Variants in SUMF1 observed in about 807,000 individuals in gnomAD.
SUMF1 encodes the protein sulfatase modifying factor 1.
A neutral mutation model predicts 47.6 loss-of-function variants in SUMF1; 48 were observed. The observed-to-expected ratio is 1.01, with a 90% confidence interval of 0.80 to 1.28. The LOEUF is 1.28. SUMF1 is among the 50% of genes most tolerant of loss of function. The pLI, the probability that SUMF1 is intolerant of heterozygous loss-of-function variation, is 0.00. For missense variants in SUMF1, 571 were observed against 485.4 expected, an observed-to-expected ratio of 1.18 and a Z score of -1.66; for synonymous variants, 230 against 192.1, an observed-to-expected ratio of 1.20 and a Z score of -1.63.
chr3:4,249,134 T>C (rs1164239236), intron 8 of SUMF1, among the ~76,000 whole-genome samples: 1 of 152,186 alleles, frequency 6.6e-6, no homozygotes, highest in African/African-American at 2.4e-5. Context: ...TCAAAATCAG[T>C]AGAGAAAATA....
At chr3:4,436,875 AAAAAAC>A (rs1305949228) in intron 3 of SUMF1, among the ~76,000 whole-genome samples, 31 of 138,582 alleles carry the variant, frequency 2.2e-4, no homozygotes, top group Admixed American at 1.2e-3. Flanking sequence ...TACAAAAAAC[AAAAAAC>A]AAAAAAAACC....
At chr3:4,137,955 T>C (rs1693983646) in intron 8 of SUMF1, among the ~76,000 whole-genome samples, 1 of 151,646 alleles carries the variant, frequency 6.6e-6, no homozygotes, top group Non-Finnish European at 1.5e-5. Flanking sequence ...AATAAGTGAG[T>C]TCAGCAAGGT....
chr3:4,160,849 G>C (rs550950065), intron 8 of SUMF1, among the ~76,000 whole-genome samples: 1 of 152,006 alleles, frequency 6.6e-6, no homozygotes, highest in Non-Finnish European at 1.5e-5. Context: ...TGTTTGGTGA[G>C]GTCATGTTTT....
intron 8 of SUMF1, among the ~76,000 whole-genome samples, chr3:4,277,794 C>T (rs1373342): frequency 0.23 from 35,020 of 151,928 alleles, 5,015 homozygotes; most frequent in East Asian, 0.42. Context: ...AGGCCAATAA[C>T]GAGGTCACCA....
chr3:4,213,496 T>C (rs1015397100), intron 8 of SUMF1, among the ~76,000 whole-genome samples: 1 of 152,116 alleles, frequency 6.6e-6, no homozygotes, highest in Non-Finnish European at 1.5e-5. Flanking sequence ...ATGAAGAAAC[T>C]GCATCAACTA....
intron 8 of SUMF1, among the ~76,000 whole-genome samples, chr3:4,194,532 A>T (rs1559554421): frequency 6.6e-6 from 1 of 152,216 alleles, no homozygotes; most frequent in Non-Finnish European, 1.5e-5. Flanking sequence ...TAATATTTAC[A>T]GATATGGATA....
chr3:4,359,672 CT>C (rs1470035670), downstream of SUMF1, among the ~76,000 whole-genome samples: 1 of 152,112 alleles, frequency 6.6e-6, no homozygotes, highest in Non-Finnish European at 1.5e-5. Context: ...GGAAAAGCCC[CT>C]TGTAAAACCA....
At chr3:4,105,710 A>T (rs1329354466) in intron 8 of SUMF1, among the ~76,000 whole-genome samples, 1 of 152,096 alleles carries the variant, frequency 6.6e-6, no homozygotes, top group Non-Finnish European at 1.5e-5. Context: ...TGTTAAAAAG[A>T]AATAAGACAA....
At chr3:4,304,192 A>T (rs1217043767) in intron 8 of SUMF1, 1 of 155,792 alleles carries the variant, frequency 6.4e-6, no homozygotes, top group Non-Finnish European at 1.4e-5. Context: ...CCCAGGCTGG[A>T]GTGCACTGGC....
At chr3:4,283,401 A>T (rs978891624) in intron 8 of SUMF1, among the ~76,000 whole-genome samples, 1 of 152,220 alleles carries the variant, frequency 6.6e-6, no homozygotes, top group Non-Finnish European at 1.5e-5. Context: ...CCTGTCTCCA[A>T]ATATTAATAC....
At chr3:4,212,583 CT>C (rs1695823930) in intron 8 of SUMF1, among the ~76,000 whole-genome samples, 1 of 152,040 alleles carries the variant, frequency 6.6e-6, no homozygotes, top group Non-Finnish European at 1.5e-5. Context: ...CAGAAGTAAG[CT>C]TTAGAAGGTG....
At chr3:4,308,430 A>G (rs1698277120) in intron 8 of SUMF1, among the ~76,000 whole-genome samples, 1 of 152,250 alleles carries the variant, frequency 6.6e-6, no homozygotes, top group South Asian at 2.1e-4. Flanking sequence ...GTAATTTGCC[A>G]GAAACATATG....
chr3:4,297,290 C>T (rs192857433), intron 8 of SUMF1, among the ~76,000 whole-genome samples: 1 of 152,274 alleles, frequency 6.6e-6, no homozygotes, highest in African/African-American at 2.4e-5. Context: ...GACAGAAATC[C>T]CCAAAAGGAT....
chr3:4,156,048 A>G (rs1377703365), intron 8 of SUMF1, among the ~76,000 whole-genome samples: 4 of 151,546 alleles, frequency 2.6e-5, no homozygotes, highest in African/African-American at 9.8e-5. Context: ...CTTGCACACC[A>G]GAGTACAAAA....
intron 7 of SUMF1, among the ~76,000 whole-genome samples, chr3:4,377,032 C>T (rs999980415): frequency 2.0e-4 from 30 of 152,240 alleles, no homozygotes; most frequent in African/African-American, 7.0e-4. Flanking sequence ...AACTACTGAG[C>T]TCAAGTGACC....
chr3:4,253,293 A>C (rs536848753), intron 8 of SUMF1, among the ~76,000 whole-genome samples: 2 of 152,208 alleles, frequency 1.3e-5, no homozygotes, highest in Non-Finnish European at 2.9e-5. Flanking sequence ...TCCGGTCTAC[A>C]GCTCCCAGCG....
At chr3:4,145,085 G>C (rs1487056821) in intron 8 of SUMF1, among the ~76,000 whole-genome samples, 1 of 151,008 alleles carries the variant, frequency 6.6e-6, no homozygotes, top group East Asian at 2.0e-4. Flanking sequence ...TGTAGTCCCA[G>C]CTACTCAGGA....
intron 8 of SUMF1, among the ~76,000 whole-genome samples, chr3:4,290,325 G>A (rs1326859880): frequency 1.3e-5 from 2 of 149,494 alleles, no homozygotes; most frequent in African/African-American, 2.6e-5. Flanking sequence ...ACGTTTATCT[G>A]AATTTTCTCA....
intron 1 of SUMF1, among the ~76,000 whole-genome samples, chr3:4,455,763 A>G (rs1399595685): frequency 6.6e-6 from 1 of 152,116 alleles, no homozygotes; most frequent in Non-Finnish European, 1.5e-5. Flanking sequence ...AAAAGCCCAG[A>G]ACCAGATGGC....
Sources: allele counts gnomAD v4.1 joint callset (sites outside exome capture counted in the v4.1 genomes callset), GRCh38; gene constraint gnomAD v4.1.1; transcripts MANE v1.5; gene names NCBI Gene and HGNC (gene_info 2026-07-23, HGNC 2026-07-21).